Variants in KCNH1 observed in about 807,000 individuals in gnomAD.
The protein encoded by KCNH1 is voltage-gated delayed rectifier potassium channel KCNH1.
Under a neutral mutation model 69.2 loss-of-function variants are expected in KCNH1, and 27 were observed. The ratio of observed to expected loss-of-function variants is 0.39; its 90% CI spans 0.29 to 0.54. The LOEUF (loss-of-function observed/expected upper bound fraction) is 0.54, where lower values mean the gene tolerates loss of function less well. KCNH1 is among the 20% of genes least tolerant of loss of function. KCNH1 has a pLI of 0.68. For synonymous variants in KCNH1, 456 were observed against 487.7 expected, an observed-to-expected ratio of 0.93 and a Z score of 0.86; for missense variants, 798 against 1,261.6, an observed-to-expected ratio of 0.63 and a Z score of 5.57.
At chr1:210,929,120 T>G (rs1220772623) in intron 6 of KCNH1, among the ~76,000 whole-genome samples, 1 of 152,142 alleles carries the variant, frequency 6.6e-6, no homozygotes, top group Non-Finnish European at 1.5e-5. Context: ...TTGGTATCAA[T>G]CTACTGACAC....
chr1:211,036,085 G>A (rs958631126), intron 5 of KCNH1, among the ~76,000 whole-genome samples: 3 of 152,236 alleles, frequency 2.0e-5, no homozygotes, highest in Admixed American at 1.3e-4. Context: ...TGCAGCTGAA[G>A]AGATAGGAGA....
Position 210,680,111 on chromosome 1 carries a change from A to G in KCNH1, c.*3170T>C, listed in dbSNP as rs187058887. On this transcript the variant is annotated 3_prime_UTR_variant, in exon 11 of 11. Transcript: ENST00000271751. ...ATGGCAGCGCCCATTGCTGGAGTCA[A>G]TGCCCCCCCACCAAGAACAAACACC... The G allele has an allele frequency of 8.5e-5, 13 of 152,114 alleles. No individual in the cohort carries two copies. Among genetic ancestry groups the G allele is most frequent in the South Asian group, 6.3e-4 (3 of 4,766 alleles). The allele number at this position is 152,114 out of a possible 1,614,324, so 9.4% of individuals were successfully genotyped here. A position where few individuals can be genotyped will look rare whatever the true frequency, so the allele number is the denominator to read the frequency against.
intron 10 of KCNH1, among the ~76,000 whole-genome samples, chr1:210,719,951 A>G (rs1162442056): frequency 4.6e-5 from 7 of 152,006 alleles, no homozygotes; most frequent in South Asian, 2.1e-4. Context: ...TTCTAGCGCT[A>G]TGTGTGTAAA....
At position 210,913,276 on chromosome 1, in the gene KCNH1, C is replaced by G. The variant is rs61848974; in HGVS notation, c.1462+6364G>C. Among the ~76,000 whole-genome samples, 89 of 152,186 alleles carry G rather than the reference C, an allele frequency of 5.8e-4. No individual in the cohort carries two copies. In the South Asian group the frequency reaches 0.018, roughly 30 times the overall value. The stretch of plus-strand genomic sequence containing the variant: ...TTCTCCTAAAAAATTCTGAACACTG[C>G]CCCATTCCCAAAATAAAAATAAACC... On this transcript the variant is annotated intron_variant, in intron 7 of 10. Coordinates refer to ENST00000271751, the MANE Select transcript of KCNH1 (RefSeq NM_172362.3).
chr1:210,806,828 AAAAAAAAAATATATAT>A (rs1684582915), intron 7 of KCNH1, among the ~76,000 whole-genome samples: 2 of 52,746 alleles, frequency 3.8e-5, no homozygotes, highest in African/African-American at 1.2e-4. Context: ...AAAAAAAAAA[AAAAAAAAAATATATAT>A]ATATATATAT....
At position 210,976,360 on chromosome 1, in the gene KCNH1, T is replaced by C. The variant is rs556804520; in HGVS notation, c.1032+42423A>G. 1.4e-5 allele frequency among the ~76,000 whole-genome samples: 2 copies of C among 145,316 alleles called. 1 individual carries two copies. The highest frequency in any genetic ancestry group is 4.3e-4 in the East Asian group (2 of 4,638). ...GACTTGGAACCAACCCAAATGTCCA[T>C]CAATGATAGACTAGATTAAGAAAAT... On this transcript the variant is annotated intron_variant, in intron 6 of 10. Transcript: ENST00000271751.
intron 6 of KCNH1, among the ~76,000 whole-genome samples, chr1:210,932,803 C>T (rs190612984): frequency 2.0e-5 from 3 of 152,144 alleles, no homozygotes; most frequent in Admixed American, 2.0e-4. Context: ...TTTAGCAAGA[C>T]AATATAATAA....
intron 4 of KCNH1, among the ~76,000 whole-genome samples, chr1:211,086,788 G>T (rs1165229951): frequency 6.6e-6 from 1 of 152,070 alleles, no homozygotes; most frequent in Non-Finnish European, 1.5e-5. Context: ...AAGTCCAGGG[G>T]TACCAAAAAA....
At chr1:211,100,053 G>A (rs1283322362) in intron 3 of KCNH1, among the ~76,000 whole-genome samples, 1 of 152,024 alleles carries the variant, frequency 6.6e-6, no homozygotes, top group Admixed American at 6.6e-5. Flanking sequence ...TTTTTAGAAG[G>A]ATTTTGCTAT....
At chr1:210,867,330 TACACAC>T (rs57696942) in intron 7 of KCNH1, among the ~76,000 whole-genome samples, 2,552 of 144,182 alleles carry the variant, frequency 0.018, 68 homozygotes, top group African/African-American at 0.057. Flanking sequence ...TGTATATGTT[TACACAC>T]ACACACACAC....
At chr1:210,995,536 T>G (rs547953747) in intron 6 of KCNH1, among the ~76,000 whole-genome samples, 37 of 152,288 alleles carry the variant, frequency 2.4e-4, no homozygotes, top group African/African-American at 8.9e-4. Context: ...CTTACCCAAA[T>G]GCCTTAGGCC....
At chr1:210,707,071 G>A (rs56368804) in intron 10 of KCNH1, among the ~76,000 whole-genome samples, 1,988 of 151,190 alleles carry the variant, frequency 0.013, 33 homozygotes, top group African/African-American at 0.046. Context: ...GTGTGTGCGC[G>A]CGCACGTGTA....
At position 210,684,106 on chromosome 1, in the gene KCNH1, A is replaced by G; in HGVS notation, c.2145T>C (p.Arg715=). 2 of 1,512,464 alleles carry G rather than the reference A, an allele frequency of 1.3e-6. No individual in the cohort carries two copies. Among genetic ancestry groups the G allele is most frequent in the East Asian group, 2.3e-5 (1 of 43,798 alleles). 93.7% of individuals were successfully genotyped at this position (1,512,464 alleles called of 1,614,324 possible). ...IVFRKISDVK[R]EEEERMKRKN... ...TTCGTTTCATGCGTTCTTCCTCTTCACGTTTCACATCGCTGATCTTCCGGA... is the reference window on the plus strand; with the variant it reads ...TTCGTTTCATGCGTTCTTCCTCTTCGCGTTTCACATCGCTGATCTTCCGGA... Residue 715 remains arginine, a synonymous_variant, in exon 11 of 11, where the codon CGT becomes CGC. Coordinates refer to ENST00000271751, the MANE Select transcript of KCNH1 (RefSeq NM_172362.3).
At chr1:211,052,676 C>T (rs2102442142) in intron 5 of KCNH1, among the ~76,000 whole-genome samples, 1 of 152,266 alleles carries the variant, frequency 6.6e-6, no homozygotes, top group South Asian at 2.1e-4. Flanking sequence ...ACATTTTTTG[C>T]TCATGGAAAT....
chr1:210,952,886 C>A (rs1688089868), intron 6 of KCNH1, among the ~76,000 whole-genome samples: 1 of 152,116 alleles, frequency 6.6e-6, no homozygotes, highest in Admixed American at 6.5e-5. Flanking sequence ...AGCTAGGCAA[C>A]CATATGCAGT....
intron 5 of KCNH1, among the ~76,000 whole-genome samples, chr1:211,040,075 C>T (rs377007701): frequency 2.6e-4 from 39 of 151,890 alleles, no homozygotes; most frequent in African/African-American, 8.5e-4. Flanking sequence ...CCTGTAGTCC[C>T]AGCTACTTGG....
At chr1:210,835,415 T>A (rs1685261150) in intron 7 of KCNH1, among the ~76,000 whole-genome samples, 1 of 152,228 alleles carries the variant, frequency 6.6e-6, no homozygotes, top group Non-Finnish European at 1.5e-5. Flanking sequence ...AGGGAAACAT[T>A]ACCTTCTTAA....
intron 5 of KCNH1, among the ~76,000 whole-genome samples, chr1:211,065,279 ATAC>A (rs1466556276): frequency 6.6e-6 from 1 of 152,264 alleles, no homozygotes; most frequent in African/African-American, 2.4e-5. Context: ...TGTGGCACAT[ATAC>A]TACAACGGAA....
intron 6 of KCNH1, among the ~76,000 whole-genome samples, chr1:210,954,660 G>A (rs963594381): frequency 6.6e-6 from 1 of 152,198 alleles, no homozygotes; most frequent in East Asian, 1.9e-4. Context: ...GACCAGTGAT[G>A]ATGACCATTT....
Sources: allele counts gnomAD v4.1 joint callset (sites outside exome capture counted in the v4.1 genomes callset), GRCh38; gene constraint gnomAD v4.1.1; transcripts MANE v1.5; gene names NCBI Gene and HGNC (gene_info 2026-07-23, HGNC 2026-07-21).